MIGA1: variants seen among roughly 807,000 people sequenced by gnomAD.
MIGA1 encodes family with sequence similarity 73, member A.
In MIGA1, 58 loss-of-function variants were observed where a neutral mutation model predicts 82.0. The observed-to-expected ratio is 0.71, with a 90% CI of 0.57 to 0.88. MIGA1 has a LOEUF of 0.88. Ranked by LOEUF, MIGA1 falls within the 40% of genes least tolerant of loss-of-function variation. The probability of loss-of-function intolerance (pLI) is 0.00; values close to 1 mark genes in which losing one functional copy is unlikely to be tolerated. For missense variants in MIGA1, 751 were observed against 749.1 expected (o/e 1.00, Z -0.03); for synonymous variants, 249 against 253.6 (o/e 0.98, Z 0.17).
chr1:77,800,196 A>G (rs1329945204), intron 2 of MIGA1, among the ~76,000 whole-genome samples: 2 of 152,072 alleles, frequency 1.3e-5, no homozygotes, highest in African/African-American at 4.8e-5. Flanking sequence ...AGTATTTTCT[A>G]CGAGTGCCTG....
chr1:77,806,141 A>G (rs1683090532), intron 4 of MIGA1, among the ~76,000 whole-genome samples: 3 of 152,226 alleles, frequency 2.0e-5, no homozygotes. Flanking sequence ...CAGAAGCAGC[A>G]TAATCTGTAG....
chr1:77,867,580 G>A (rs1332892931), intron 14 of MIGA1, among the ~76,000 whole-genome samples: 3 of 152,064 alleles, frequency 2.0e-5, no homozygotes, highest in African/African-American at 4.8e-5. Context: ...TTCCAGTCTC[G>A]GCCTCCCAAA....
intron 5 of MIGA1, among the ~76,000 whole-genome samples, chr1:77,809,819 A>G (rs1455036259): frequency 6.7e-6 from 1 of 148,864 alleles, no homozygotes; most frequent in African/African-American, 2.5e-5. Context: ...AGTAAATTAT[A>G]GTAAGCTAAT....
intron 2 of MIGA1, among the ~76,000 whole-genome samples, chr1:77,785,243 A>T (rs1682105575): frequency 6.6e-6 from 1 of 152,202 alleles, no homozygotes; most frequent in South Asian, 2.1e-4. Flanking sequence ...GAATGGGGGT[A>T]TGGGCATTGG....
At chr1:77,859,442 G>T (rs561723552) in intron 10 of MIGA1, 56 bp downstream of exon 10, 2 of 1,149,358 alleles carry the variant, frequency 1.7e-6, no homozygotes, top group South Asian at 2.5e-5. Flanking sequence ...CCCTCATGCT[G>T]TAGAGTCCAG....
At chr1:77,781,697 AG>A (rs1340923261) in intron 1 of MIGA1, among the ~76,000 whole-genome samples, 1 of 152,214 alleles carries the variant, frequency 6.6e-6, no homozygotes, top group African/African-American at 2.4e-5. Flanking sequence ...ATGTATGTCA[AG>A]TAGAACTAAC....
chr1:77,844,842 C>T (rs543297666), intron 8 of MIGA1, among the ~76,000 whole-genome samples: 250 of 152,128 alleles, frequency 1.6e-3, no homozygotes, highest in Non-Finnish European at 2.7e-3. Flanking sequence ...ATTAGCCGGG[C>T]ATGGTGGTGC....
chr1:77,783,096 A>G (rs1480339426), intron 1 of MIGA1, 142 bp from the exon 2 acceptor site: 4 of 496,412 alleles, frequency 8.1e-6, no homozygotes, highest in Non-Finnish European at 1.3e-5. Flanking sequence ...ATTAATAAAT[A>G]TAATTTTAGC....
intron 8 of MIGA1, chr1:77,847,439 T>C: frequency 2.1e-6 from 3 of 1,428,314 alleles, no homozygotes; most frequent in Non-Finnish European, 3.0e-6. Context: ...TAAAAGCAGT[T>C]GAGATCAGAA....
intron 2 of MIGA1, among the ~76,000 whole-genome samples, chr1:77,793,829 C>G (rs1682541066): frequency 6.7e-6 from 1 of 149,352 alleles, no homozygotes; most frequent in Non-Finnish European, 1.5e-5. Context: ...CTCTGTCGCC[C>G]AGGCTGGAGT....
chr1:77,795,635 T>C (rs1682622093), intron 2 of MIGA1, among the ~76,000 whole-genome samples: 1 of 150,444 alleles, frequency 6.6e-6, no homozygotes, highest in Admixed American at 6.6e-5. Context: ...TTACTTTCTT[T>C]TTTTTTTTTT....
At chr1:77,821,056 G>A (rs1051080707) in intron 7 of MIGA1, among the ~76,000 whole-genome samples, 5 of 151,874 alleles carry the variant, frequency 3.3e-5, no homozygotes, top group African/African-American at 1.2e-4. Context: ...ATCACCTGAA[G>A]CTGGGAGGTG....
intron 15 of MIGA1, among the ~76,000 whole-genome samples, chr1:77,873,518 A>G (rs966695553): frequency 1.3e-5 from 2 of 152,178 alleles, no homozygotes; most frequent in South Asian, 4.1e-4. Flanking sequence ...ACATGTGGTA[A>G]TATAGAATAA....
intron 14 of MIGA1, 116 bp from the exon 15 acceptor site, chr1:77,872,888 C>G (rs1408430357): frequency 7.1e-7 from 1 of 1,398,852 alleles, no homozygotes; most frequent in African/African-American, 1.4e-5. Flanking sequence ...TTCTAAAAAA[C>G]AAATTTTCTT....
intron 14 of MIGA1, among the ~76,000 whole-genome samples, chr1:77,868,976 C>T (rs528273931): frequency 8.3e-5 from 12 of 145,130 alleles, no homozygotes; most frequent in Non-Finnish European, 1.0e-4. Flanking sequence ...GGGTGTTTCT[C>T]GCAGAGGGGG....
intron 5 of MIGA1, chr1:77,811,197 A>C (rs1683314185): frequency 6.5e-7 from 1 of 1,547,634 alleles, no homozygotes; most frequent in African/African-American, 1.4e-5. Flanking sequence ...TGCCATTCAG[A>C]TCCTTTACAC....
chr1:77,789,510 TTCTC>T (rs1355457350), intron 2 of MIGA1, among the ~76,000 whole-genome samples: 1 of 152,092 alleles, frequency 6.6e-6, no homozygotes, highest in Admixed American at 6.6e-5. Flanking sequence ...GTGTTTGGCT[TTCTC>T]TCTCTTTCTC....
chr1:77,783,492 G>GTT, intron 2 of MIGA1, 141 bp downstream of exon 2: 1 of 447,054 alleles, frequency 2.2e-6, no homozygotes, highest in African/African-American at 2.0e-5. Context: ...AACCTACTTG[G>GTT]TTATTTCACG....
intron 2 of MIGA1, among the ~76,000 whole-genome samples, chr1:77,797,497 T>A (rs916825129): frequency 1.3e-5 from 2 of 152,200 alleles, no homozygotes; most frequent in South Asian, 2.1e-4. Context: ...CTTAATTTTT[T>A]AAAAATAAGC....
Sources: gnomAD v4.1 joint callset for allele counts (sites outside exome capture counted in the v4.1 genomes callset) on GRCh38, gnomAD v4.1.1 for gene constraint, MANE v1.5 for transcripts, NCBI Gene and HGNC (gene_info 2026-07-23, HGNC 2026-07-21) for gene names.